The following BTNL2 variants were observed in gnomAD, a reference collection of about 807,000 sequenced individuals.
BTNL2 encodes the protein butyrophilin-like protein 2.
BTNL2 carries 46 observed loss-of-function variants against 46.8 expected under a neutral mutation model. The ratio of observed to expected loss-of-function variants is 0.98; its 90% confidence interval spans 0.78 to 1.26. The LOEUF (loss-of-function observed/expected upper bound fraction) is 1.26, where lower values mean the gene tolerates loss of function less well. BTNL2 is among the 50% of genes most tolerant of loss of function. The pLI is 0.00. For synonymous variants in BTNL2, 226 were observed against 229.1 expected (o/e 0.99, Z 0.12); for missense variants, 461 against 592.6 (o/e 0.78, Z 2.31).
intron 3 of BTNL2, 74 bp downstream of exon 3, chr6:32,402,861 G>GAGGT (rs1367618101): frequency 2.8e-6 from 4 of 1,428,588 alleles, no homozygotes; most frequent in Non-Finnish European, 3.8e-6. Flanking sequence ...ATAAAAATAC[G>GAGGT]AGGTGCTATG....
chr6:32,401,702 C>T, intron 4 of BTNL2, 83 bp downstream of exon 4: 4 of 1,352,580 alleles, frequency 3.0e-6, no homozygotes, highest in Non-Finnish European at 4.1e-6. Flanking sequence ...CTCTGGGTCA[C>T]ATGGTCTCGT....
Position 32,396,039 on chromosome 6 carries a change from T to C in BTNL2, c.1078A>G (p.Ser360Gly), listed in dbSNP as rs2076530. Residue 360 changes from serine to glycine, a missense_variant and splice_region_variant, in exon 5 of 8, where the codon AGT becomes GGT. Physicochemically the swap from Ser to Gly is moderately conservative, Grantham distance 56 (BLOSUM62 0). Transcript: ENST00000454136. This position sits in a 1 kb window ranked among gnomAD's most constrained non-coding sequence, Gnocchi z 4.4. Reference sequence around the variant, plus strand: ...CAAAATATCTATCTAGAATTCTTACTTACCACCTTCAGATCCAAACTGGCC... The same window carrying C: ...CAAAATATCTATCTAGAATTCTTACCTACCACCTTCAGATCCAAACTGGCC... ...QEASLDLKVV[S>G]LGSSPLITVE... 699,318 of 1,605,698 alleles carry C rather than the reference T, an allele frequency of 0.44. 154,229 individuals are homozygous for C. The highest frequency in any genetic ancestry group is 0.48 in the Admixed American group (28,706 of 59,838).
chr6:32,402,571 T>C (rs1300635415), intron 3 of BTNL2, among the ~76,000 whole-genome samples: 3 of 152,216 alleles, frequency 2.0e-5, no homozygotes, highest in Non-Finnish European at 4.4e-5. Flanking sequence ...CAAATAGTTG[T>C]CTACATCTCT....
In BTNL2 at chr6:32,395,995, C is replaced by T. The variant is rs117303587; in HGVS notation, c.1078+44G>A. The T allele has an allele frequency of 0.015, 21,853 of 1,458,856 alleles. 1,055 individuals carry two copies. In the East Asian group the frequency reaches 0.16, roughly 10 times the overall value. 90.4% of individuals were successfully genotyped at this position (1,458,856 alleles called of 1,614,324 possible). A position where few individuals can be genotyped will look rare whatever the true frequency, so the allele number is the denominator to read the frequency against. On this transcript the variant is annotated intron_variant, in intron 5 of 7. Coordinates refer to ENST00000454136, the MANE Select transcript of BTNL2 (RefSeq NM_001304561.2). ...TCCAGGAACTAGCATATTAAAGTGG[C>T]AGGAGCAGGTATTGAATACAAAATA... is the stretch of plus-strand genomic sequence containing the variant.
At position 32,396,408 on chromosome 6, in the gene BTNL2, A is replaced by G. The variant is rs1171854079; in HGVS notation, c.731-22T>C. 6.3e-6 allele frequency: 10 copies of G among 1,591,106 alleles called. No homozygotes were observed. The East Asian group carries it at 2.2e-4, about 36-fold the overall frequency. On this transcript the variant is annotated intron_variant, in intron 4 of 7. Transcript: ENST00000454136. This position sits in a 1 kb window ranked among gnomAD's most constrained non-coding sequence, Gnocchi z 4.4. ...GAAGCTGTTAAATAGAGTGGACAAA[A>G]CACAATGAAAGAATCAAAATGGAAC... is the stretch of plus-strand genomic sequence containing the variant.
chr6:32,402,758 A>G (rs1443056288), intron 3 of BTNL2, among the ~76,000 whole-genome samples, 177 bp downstream of exon 3: 1 of 152,274 alleles, frequency 6.6e-6, no homozygotes, highest in Non-Finnish European at 1.5e-5. Flanking sequence ...GCGCCATAAC[A>G]GCTATTCAAG....
At chr6:32,405,951 C>T (rs1777120146) in intron 1 of BTNL2, among the ~76,000 whole-genome samples, 1 of 152,016 alleles carries the variant, frequency 6.6e-6, no homozygotes, top group African/African-American at 2.4e-5. Context: ...ATTTTTGGGT[C>T]TTCCAAACAA....
At position 32,396,349 on chromosome 6, in the gene BTNL2, G is replaced by A. The variant is rs777649107; in HGVS notation, c.768C>T (p.Leu256=). The A allele has an allele frequency of 1.2e-5, 19 of 1,612,504 alleles. No homozygotes were observed. The highest frequency in any genetic ancestry group is 5.3e-5 in the African/African-American group (4 of 74,926). Residue 256 remains leucine (L), a synonymous_variant, in exon 5 of 8, where the codon CTC becomes CTT. Coordinates refer to ENST00000454136, the MANE Select transcript of BTNL2 (RefSeq NM_001304561.2). This position sits in a 1 kb window ranked among gnomAD's most constrained non-coding sequence, Gnocchi z 4.4. ...GCTGTATATCTTCTCCCACTCTGAC[G>A]AGGATGGGCTGGGAAGGTCCATTCA... ...LKVNGPSQPI[L]VRVGEDIQLT... is the part of the protein sequence containing the mutation.
At position 32,394,690 on chromosome 6, in the gene BTNL2, A is replaced by G; in HGVS notation, c.1360+54T>C. On this transcript the variant is annotated intron_variant, in intron 6 of 7. Coordinates refer to ENST00000454136, the MANE Select transcript of BTNL2 (RefSeq NM_001304561.2). This position sits in a 1 kb window ranked among gnomAD's most constrained non-coding sequence, Gnocchi z 4.6. ...AAGAGCAATACAATGAGTAAGTCTG[A>G]GTTGGTCTTCATATTTATTTTCCAA... 1 of 1,540,732 alleles carries G rather than the reference A, an allele frequency of 6.5e-7. No homozygotes were observed. The highest frequency in any genetic ancestry group is 8.9e-7 in the Non-Finnish European group (1 of 1,129,138).
chr6:32,396,028 A>G lies in BTNL2; in HGVS notation c.1078+11T>C. ...GGTATTGAATACAAAATATCTATCT[A>G]GAATTCTTACTTACCACCTTCAGAT... is the stretch of plus-strand genomic sequence containing the variant. On this transcript the variant is annotated intron_variant, in intron 5 of 7. Coordinates refer to ENST00000454136, the MANE Select transcript of BTNL2 (RefSeq NM_001304561.2). The surrounding 1 kb of genome is among the most constrained non-coding windows in gnomAD (Gnocchi z 4.4). 1 of 1,598,630 alleles carries G rather than the reference A, an allele frequency of 6.3e-7. No homozygotes were observed. The highest frequency in any genetic ancestry group is 8.6e-7 in the Non-Finnish European group (1 of 1,168,966).
Position 32,394,101 on chromosome 6 carries a change from A to G in BTNL2, c.1361-44T>C. 1.3e-6 allele frequency: 2 copies of G among 1,547,084 alleles called. No homozygotes were observed. Among genetic ancestry groups the G allele is most frequent in the Non-Finnish European group, 1.7e-6 (2 of 1,144,754 alleles). On this transcript the variant is annotated intron_variant, in intron 6 of 7. Coordinates refer to ENST00000454136, the MANE Select transcript of BTNL2 (RefSeq NM_001304561.2). The surrounding 1 kb of genome is among the most constrained non-coding windows in gnomAD (Gnocchi z 4.6). ...AATCCCTTGAAACTGTGAAACTGGG[A>G]CAATATTAAGATTGTACTTTTCATC...
chr6:32,401,109 GAGGCA>G (rs1776755630), intron 4 of BTNL2, among the ~76,000 whole-genome samples: 1 of 148,012 alleles, frequency 6.8e-6, no homozygotes. Context: ...TTGGGAGGCT[GAGGCA>G]GGAGAATGGC....
chr6:32,395,614 C>A (rs117778565), intron 5 of BTNL2, among the ~76,000 whole-genome samples: 1,858 of 152,094 alleles, frequency 0.012, 67 homozygotes, highest in East Asian at 0.11. Flanking sequence ...ATCTTTTCTC[C>A]CCTGTCCCTG....
chr6:32,404,914 C>T, intron 2 of BTNL2, 25 bp downstream of exon 2: 2 of 1,596,640 alleles, frequency 1.3e-6, no homozygotes, highest in Non-Finnish European at 1.7e-6. Flanking sequence ...CTCTTGAGAC[C>T]CTGTGTCTTT....
At position 32,394,717 on chromosome 6, in the gene BTNL2, C is replaced by G; in HGVS notation, c.1360+27G>C. ...TTGGTCTTCATATTTATTTTCCAAA[C>G]CTGAAGGAACATAAGGAATCACCAA... On this transcript the variant is annotated intron_variant, in intron 6 of 7. Coordinates refer to ENST00000454136, the MANE Select transcript of BTNL2 (RefSeq NM_001304561.2). This position sits in a 1 kb window ranked among gnomAD's most constrained non-coding sequence, Gnocchi z 4.6. 1 of 1,593,600 alleles carries G rather than the reference C, an allele frequency of 6.3e-7. No homozygotes were observed. The highest frequency in any genetic ancestry group is 1.1e-5 in the South Asian group (1 of 88,212).
intron 3 of BTNL2, among the ~76,000 whole-genome samples, chr6:32,402,310 T>C (rs1223175392): frequency 6.6e-6 from 1 of 152,218 alleles, no homozygotes; most frequent in Non-Finnish European, 1.5e-5. Context: ...AAAGTTTTAG[T>C]GCAGTTATAA....
chr6:32,395,136 G>A, intron 5 of BTNL2, 111 bp from the exon 6 acceptor site: 1 of 1,111,804 alleles, frequency 9.0e-7, no homozygotes, highest in East Asian at 2.5e-5. Context: ...AGGGAGAAAA[G>A]CTTAAGGGGG....
At chr6:32,395,505 G>A (rs903595114) in intron 5 of BTNL2, among the ~76,000 whole-genome samples, 5 of 152,164 alleles carry the variant, frequency 3.3e-5, no homozygotes, top group Non-Finnish European at 7.3e-5. Context: ...GCATATCCAA[G>A]ACTTGGGCCT....
intron 1 of BTNL2, chr6:32,405,557 G>T: frequency 2.1e-6 from 1 of 466,134 alleles, no homozygotes; most frequent in South Asian, 2.1e-5. Context: ...TATTACTCTT[G>T]GTAAGATTTT....
Sources: gnomAD v4.1 joint callset for allele counts (sites outside exome capture counted in the v4.1 genomes callset) on GRCh38, gnomAD v4.1.1 for gene constraint, Gnocchi (gnomAD v3.1) non-coding constraint, MANE v1.5 for transcripts, NCBI Gene and HGNC (gene_info 2026-07-23, HGNC 2026-07-21) for gene names.